The following RBM20 variants were observed in gnomAD, a reference collection of about 807,000 sequenced individuals.
RBM20 encodes the protein RNA-binding protein 20.
RBM20 carries 51 observed loss-of-function variants against 110.1 expected under a neutral mutation model. The observed-to-expected ratio is 0.46, with a 90% CI of 0.37 to 0.59. The LOEUF is 0.59. Among genes scored for constraint, RBM20 ranks in the 20% least tolerant of loss-of-function variants. The pLI is 0.00. For missense variants in RBM20, 1,512 were observed against 1,574.9 expected (o/e 0.96, Z 0.68); for synonymous variants, 589 against 618.2 (o/e 0.95, Z 0.70).
intron 1 of RBM20, among the ~76,000 whole-genome samples, chr10:110,693,348 T>A (rs951829588): frequency 6.6e-6 from 1 of 152,198 alleles, no homozygotes. Context: ...TTAATTCTTC[T>A]TTAAATGTTT....
Position 110,835,686 on chromosome 10 carries a change from A to T in RBM20, c.3574-182A>T, listed in dbSNP as rs1845116964. 12 of 512,294 alleles carry T rather than the reference A, an allele frequency of 2.3e-5. No homozygotes were observed. In the Admixed American group the frequency reaches 3.4e-4, roughly 14 times the overall value. The allele number at this position is 512,294 out of a possible 1,614,324, so 31.7% of individuals were successfully genotyped here. On this transcript the variant is annotated intron_variant, in intron 13 of 13. Coordinates refer to ENST00000369519, the MANE Select transcript of RBM20 (RefSeq NM_001134363.3). The stretch of plus-strand genomic sequence containing the variant: ...ACATGTATTACTTGCAAGCTAACAT[A>T]ATGAGGTACTTAGCATAAGTTCTGT...
intron 1 of RBM20, chr10:110,756,374 C>T (rs140611393): frequency 1.1e-3 from 165 of 152,312 alleles, no homozygotes; most frequent in African/African-American, 3.7e-3. Flanking sequence ...GCCCTCAGAA[C>T]GCTTCTAGTC....
chr10:110,728,257 G>C (rs1170759241), intron 1 of RBM20, among the ~76,000 whole-genome samples: 4 of 151,148 alleles, frequency 2.6e-5, no homozygotes, highest in African/African-American at 9.7e-5. Flanking sequence ...GGCTGGCCTA[G>C]GTCTCCAGCC....
chr10:110,716,532 A>G (rs1456380868), intron 1 of RBM20, among the ~76,000 whole-genome samples: 7 of 152,242 alleles, frequency 4.6e-5, no homozygotes, highest in African/African-American at 1.7e-4. Flanking sequence ...ACTTGGAGTC[A>G]GTGTACAAGA....
chr10:110,649,168 A>G (rs1255832845), intron 1 of RBM20, among the ~76,000 whole-genome samples: 2 of 152,140 alleles, frequency 1.3e-5, no homozygotes, highest in Non-Finnish European at 2.9e-5. Context: ...GCAGAAAAAA[A>G]CCAACCAGGA....
intron 1 of RBM20, among the ~76,000 whole-genome samples, chr10:110,683,290 AT>A (rs1349443274): frequency 6.6e-6 from 1 of 152,184 alleles, no homozygotes; most frequent in Non-Finnish European, 1.5e-5. Flanking sequence ...AGGCAGTTTT[AT>A]TTTTTGGCTC....
Position 110,831,132 on chromosome 10 carries a change from A to G in RBM20, c.3523A>G (p.Thr1175Ala), listed in dbSNP as rs768548680. 50 of 1,551,556 alleles carry G rather than the reference A, an allele frequency of 3.2e-5. No homozygotes were observed. The Admixed American group carries it at 9.8e-4, about 30-fold the overall frequency. Residue 1175 changes from threonine (T) to alanine (A), a missense_variant, in exon 13 of 14, where the codon ACA (threonine) becomes GCA (alanine). Coordinates refer to ENST00000369519, the MANE Select transcript of RBM20 (RefSeq NM_001134363.3). Reference sequence around the variant, plus strand: ...TGGGCTGTTCTACACGAGCGAGGAGACAGCAAAGATGAGCCACTGCCGCAG... The same window carrying G: ...TGGGCTGTTCTACACGAGCGAGGAGGCAGCAAAGATGAGCCACTGCCGCAG... ...LCGLFYTSEE[T>A]AKMSHCRSAV... is the part of the protein sequence containing the mutation.
chr10:110,775,935 A>G (rs1324542751), intron 1 of RBM20, among the ~76,000 whole-genome samples: 2 of 152,262 alleles, frequency 1.3e-5, no homozygotes, highest in East Asian at 3.8e-4. Flanking sequence ...TCTTCAGGCC[A>G]GCATCTTCTG....
intron 12 of RBM20, among the ~76,000 whole-genome samples, chr10:110,825,173 G>A (rs1309238564): frequency 6.6e-6 from 1 of 152,078 alleles, no homozygotes; most frequent in Non-Finnish European, 1.5e-5. Flanking sequence ...CTAGAAAACA[G>A]TTGCAAAGGC....
At chr10:110,794,743 T>C (rs1844528509) in intron 5 of RBM20, among the ~76,000 whole-genome samples, 1 of 152,258 alleles carries the variant, frequency 6.6e-6, no homozygotes, top group Non-Finnish European at 1.5e-5. Flanking sequence ...ACTCAGAAGA[T>C]GTCTTTTTAA....
chr10:110,716,841 T>C (rs1008598523), intron 1 of RBM20, among the ~76,000 whole-genome samples: 1 of 149,218 alleles, frequency 6.7e-6, no homozygotes, highest in Non-Finnish European at 1.5e-5. Flanking sequence ...GGCGGGAACC[T>C]GGGAGGTGGA....
intron 1 of RBM20, among the ~76,000 whole-genome samples, chr10:110,674,731 CT>C (rs1862312908): frequency 6.6e-6 from 1 of 152,192 alleles, no homozygotes; most frequent in Non-Finnish European, 1.5e-5. Context: ...GTTTTTGAGG[CT>C]GTCGATGTAC....
At chr10:110,679,431 A>G (rs894807612) in intron 1 of RBM20, among the ~76,000 whole-genome samples, 4 of 152,064 alleles carry the variant, frequency 2.6e-5, no homozygotes, top group Non-Finnish European at 5.9e-5. Flanking sequence ...TATGTTGCCC[A>G]GGTGATCTCA....
At chr10:110,832,050 TTAA>T in intron 13 of RBM20, among the ~76,000 whole-genome samples, 4 of 152,334 alleles carry the variant, frequency 2.6e-5, no homozygotes, top group Middle Eastern at 3.4e-3. Context: ...TTCAGAGATA[TTAA>T]TGTGTGAAAA....
rs1036333804 is a variant in RBM20, at chr10:110,644,588, C to A, written c.134C>A (p.Pro45Gln). ...PSGPRGMQQP[P>Q]PPPQPPPPPQ... ...GGCCCGCGAGGGATGCAGCAGCCGC[C>A]GCCGCCGCCCCAGCCACCGCCCCCG... The change falls in exon 1 of 14, where the codon CCG becomes CAG. Residue 45 changes from proline to glutamine, a missense_variant. Pro to Gln is a moderately conservative substitution (Grantham distance 76). Around this residue, in one of 3 missense-constraint regions of RBM20, gnomAD observed 1,149 missense variants for 1,169.4 expected, o/e 0.98. Transcript: ENST00000369519. This position sits in a 1 kb window ranked among gnomAD's most constrained non-coding sequence, Gnocchi z 4.3. 1 of 1,524,332 alleles carries A rather than the reference C, an allele frequency of 6.6e-7. No individual in the cohort carries two copies. The allele number at this position is 1,524,332 out of a possible 1,614,324, so 94.4% of individuals were successfully genotyped here. A position where few individuals can be genotyped will look rare whatever the true frequency, so the allele number is the denominator to read the frequency against.
intron 12 of RBM20, among the ~76,000 whole-genome samples, chr10:110,823,869 C>T (rs530192131): frequency 6.7e-6 from 1 of 149,988 alleles, no homozygotes; most frequent in East Asian, 2.0e-4. Flanking sequence ...AGGTACACAC[C>T]ACCAGGCCCG....
chr10:110,784,597 G>T (rs578064884), intron 4 of RBM20, among the ~76,000 whole-genome samples, 165 bp downstream of exon 4: 2 of 152,310 alleles, frequency 1.3e-5, no homozygotes, highest in East Asian at 3.9e-4. Context: ...TGCTGTCTGG[G>T]CCCATCAGTA....
At chr10:110,710,236 G>T (rs974464726) in intron 1 of RBM20, among the ~76,000 whole-genome samples, 8 of 152,174 alleles carry the variant, frequency 5.3e-5, no homozygotes, top group Non-Finnish European at 1.2e-4. Flanking sequence ...TTTGAGGTGG[G>T]TTTTCGCGCA....
chr10:110,779,232 C>T (rs1460022712), intron 1 of RBM20, among the ~76,000 whole-genome samples: 4 of 152,160 alleles, frequency 2.6e-5, no homozygotes, highest in Admixed American at 2.6e-4. Flanking sequence ...CAGCCTCACC[C>T]CTAACCTCAG....
Sources: allele counts gnomAD v4.1 joint callset (sites outside exome capture counted in the v4.1 genomes callset), GRCh38; gene constraint gnomAD v4.1.1; regional missense constraint gnomAD v4.1.1; non-coding constraint Gnocchi (gnomAD v3.1); transcripts MANE v1.5; gene names NCBI Gene and HGNC (gene_info 2026-07-23, HGNC 2026-07-21).